CDH13: variants seen among roughly 807,000 people sequenced by gnomAD.
The protein encoded by CDH13 is cadherin-13.
In CDH13, 24 loss-of-function variants were observed where a neutral mutation model predicts 63.8. The observed-to-expected ratio is 0.38, with a 90% CI of 0.27 to 0.53. CDH13 has a LOEUF of 0.53. CDH13 is among the 20% of genes least tolerant of loss of function. The pLI is 0.85. For missense variants in CDH13, 1,049 were observed against 903.1 expected (o/e 1.16, Z -2.07); for synonymous variants, 503 against 355.3 (o/e 1.42, Z -4.67).
intron 4 of CDH13, among the ~76,000 whole-genome samples, chr16:83,177,701 C>G (rs1214936977): frequency 2.6e-5 from 4 of 152,172 alleles, no homozygotes; most frequent in African/African-American, 7.2e-5. Flanking sequence ...GCCTGTTACT[C>G]AAAATCTCTT....
At position 82,737,770 on chromosome 16, in the gene CDH13, A is replaced by G. The variant is rs1408244357; in HGVS notation, c.45+110633A>G. ...TCCTCTATAAACTCTAGGTTCTTTC[A>G]CTGCATTTCTTTTTTGTAAACAGCT... On this transcript the variant is annotated intron_variant, in intron 1 of 13. Transcript: ENST00000567109. 2.6e-5 allele frequency among the ~76,000 whole-genome samples: 4 copies of G among 152,164 alleles called. No homozygotes were observed. In the South Asian group the frequency reaches 6.2e-4, roughly 24 times the overall value.
intron 7 of CDH13, among the ~76,000 whole-genome samples, chr16:83,550,690 C>A (rs35681488): frequency 6.6e-6 from 1 of 151,952 alleles, no homozygotes. Context: ...TTCCATGAGG[C>A]CAGAGATCAC....
chr16:82,733,218 A>T (rs1008305016), intron 1 of CDH13, among the ~76,000 whole-genome samples: 1 of 152,226 alleles, frequency 6.6e-6, no homozygotes, highest in Non-Finnish European at 1.5e-5. Flanking sequence ...GAGGACATGC[A>T]GAAAATCATT....
intron 2 of CDH13, among the ~76,000 whole-genome samples, chr16:82,961,739 A>G (rs139007938): frequency 3.5e-4 from 53 of 152,320 alleles, no homozygotes; most frequent in African/African-American, 1.2e-3. Flanking sequence ...TACTGTGCTA[A>G]TTGATCCTGT....
chr16:82,647,628 GT>G (rs58388051), intron 1 of CDH13, among the ~76,000 whole-genome samples: 33,680 of 152,024 alleles, frequency 0.22, 5,108 homozygotes, highest in African/African-American at 0.43. Flanking sequence ...CACAAATCTG[GT>G]TGGCATTGAT....
intron 5 of CDH13, among the ~76,000 whole-genome samples, chr16:83,333,239 A>C (rs1048314829): frequency 8.5e-5 from 13 of 152,166 alleles, no homozygotes; most frequent in African/African-American, 3.1e-4. Flanking sequence ...CTTGAAATGC[A>C]AGTTGTTGGC....
chr16:83,495,555 A>G (rs1276457157), intron 7 of CDH13, among the ~76,000 whole-genome samples: 1 of 152,184 alleles, frequency 6.6e-6, no homozygotes, highest in Non-Finnish European at 1.5e-5. Context: ...GAAGGGGAAA[A>G]GGGATTTTCT....
intron 4 of CDH13, among the ~76,000 whole-genome samples, chr16:83,150,453 C>G (rs931057895): frequency 3.3e-5 from 5 of 152,088 alleles, no homozygotes; most frequent in Admixed American, 6.6e-5. Flanking sequence ...TCTTATGCTG[C>G]TCCCCATAAG....
At chr16:82,915,245 T>C (rs1255855137) in intron 2 of CDH13, among the ~76,000 whole-genome samples, 1 of 152,210 alleles carries the variant, frequency 6.6e-6, no homozygotes, top group Admixed American at 6.5e-5. Flanking sequence ...TCTTAGGATA[T>C]AGATTTAATA....
At chr16:83,257,851 TC>T (rs1906482887) in intron 5 of CDH13, among the ~76,000 whole-genome samples, 1 of 152,250 alleles carries the variant, frequency 6.6e-6, no homozygotes, top group African/African-American at 2.4e-5. Flanking sequence ...CATACTATCT[TC>T]CACAATGGTT....
intron 6 of CDH13, among the ~76,000 whole-genome samples, chr16:83,369,987 A>T (rs1410970994): frequency 6.6e-6 from 1 of 152,214 alleles, no homozygotes; most frequent in Non-Finnish European, 1.5e-5. Flanking sequence ...CTTTGAAAAC[A>T]CAGTTGATGC....
intron 6 of CDH13, among the ~76,000 whole-genome samples, chr16:83,392,982 G>A (rs1199421246): frequency 3.3e-5 from 5 of 152,044 alleles, no homozygotes; most frequent in African/African-American, 4.8e-5. Context: ...ATAGATGGAG[G>A]GTGATGGGGT....
chr16:83,713,831 G>A (rs1441584350), intron 10 of CDH13, among the ~76,000 whole-genome samples: 1 of 152,132 alleles, frequency 6.6e-6, no homozygotes, highest in Non-Finnish European at 1.5e-5. Flanking sequence ...CGTCAGGGTG[G>A]GGCTATCAGG....
intron 5 of CDH13, among the ~76,000 whole-genome samples, chr16:83,263,533 TCC>T (rs1417626351): frequency 3.9e-5 from 6 of 152,036 alleles, no homozygotes; most frequent in African/African-American, 1.4e-4. Flanking sequence ...TGGTCTTGAC[TCC>T]TCCCTAGCCA....
Position 83,052,801 on chromosome 16 carries a change from A to AAAAAAG in CDH13, c.366+20586_366+20587insAAGAAA, listed in dbSNP as rs1555571697. The stretch of plus-strand genomic sequence containing the variant: ...CAAAAAAAAAAAAAAAAAAAAAAAA[A>AAAAAAG]AAAGAAAGAAATTAAACCTTAAATA... On this transcript the variant is annotated intron_variant, in intron 3 of 13. Coordinates refer to ENST00000567109, the MANE Select transcript of CDH13 (RefSeq NM_001257.5). 1.5e-3 allele frequency among the ~76,000 whole-genome samples: 179 copies of AAAAAAG among 122,596 alleles called. 2 individuals carry two copies. Among genetic ancestry groups the AAAAAAG allele is most frequent in the African/African-American group, 5.4e-3 (161 of 30,076 alleles). 80.4% of individuals were successfully genotyped at this position (122,596 alleles called of 152,430 possible). A position where few individuals can be genotyped will look rare whatever the true frequency, so the allele number is the denominator to read the frequency against.
At chr16:82,958,177 C>T (rs1415754015) in intron 2 of CDH13, among the ~76,000 whole-genome samples, 1 of 152,184 alleles carries the variant, frequency 6.6e-6, no homozygotes, top group Non-Finnish European at 1.5e-5. Context: ...GATTCTTGAC[C>T]TCTCTTAGCA....
intron 7 of CDH13, among the ~76,000 whole-genome samples, chr16:83,494,094 A>T (rs1482409664): frequency 6.6e-6 from 1 of 152,224 alleles, no homozygotes; most frequent in African/African-American, 2.4e-5. Flanking sequence ...ATGAAGAAAG[A>T]TTCATCTTTT....
intron 2 of CDH13, among the ~76,000 whole-genome samples, chr16:82,983,043 G>A (rs1358001397): frequency 1.3e-5 from 2 of 152,134 alleles, no homozygotes; most frequent in African/African-American, 4.8e-5. Flanking sequence ...GTACTCTGAA[G>A]CCCATGACAG....
At chr16:83,066,573 A>T (rs531242443) in intron 3 of CDH13, among the ~76,000 whole-genome samples, 24 of 152,348 alleles carry the variant, frequency 1.6e-4, no homozygotes, top group Middle Eastern at 6.8e-3. Flanking sequence ...AAGAGAAATG[A>T]TGTGACAAGG....
Sources: allele counts gnomAD v4.1 joint callset (sites outside exome capture counted in the v4.1 genomes callset), GRCh38; gene constraint gnomAD v4.1.1; transcripts MANE v1.5; gene names NCBI Gene and HGNC (gene_info 2026-07-23, HGNC 2026-07-21).